The following SEC14L1 variants were observed in gnomAD, a reference collection of about 807,000 sequenced individuals.
The protein encoded by SEC14L1 is SEC14 like lipid binding 1.
Under a neutral mutation model 85.3 loss-of-function variants are expected in SEC14L1, and 48 were observed. The observed-to-expected ratio is 0.56, with a 90% confidence interval of 0.45 to 0.72. The LOEUF is 0.72. Ranked by LOEUF, SEC14L1 falls within the 30% of genes least tolerant of loss-of-function variation. The pLI is 0.00. For synonymous variants in SEC14L1, 391 were observed against 355.5 expected, an observed-to-expected ratio of 1.10 and a Z score of -1.12; for missense variants, 682 against 921.4, an observed-to-expected ratio of 0.74 and a Z score of 3.36.
At chr17:77,204,673 C>T (rs150811847) in intron 10 of SEC14L1, among the ~76,000 whole-genome samples, 31 of 152,164 alleles carry the variant, frequency 2.0e-4, no homozygotes, top group Non-Finnish European at 2.9e-5. Flanking sequence ...CCACCTCGGC[C>T]TCCTGAGTAG....
chr17:77,215,003 G>C lies in SEC14L1; in HGVS notation c.*980G>C. 1.0e-6 allele frequency: 1 copy of C among 985,514 alleles called. No homozygotes were observed. The highest frequency in any genetic ancestry group is 1.7e-5 in the African/African-American group (1 of 57,334). 61.0% of individuals were successfully genotyped at this position (985,514 alleles called of 1,614,324 possible). On this transcript the variant is annotated 3_prime_UTR_variant, in exon 17 of 17. Coordinates refer to ENST00000436233, the MANE Select transcript of SEC14L1 (RefSeq NM_001143998.2). ...AGCAGCAGCTCTCGCATCCACTTCA[G>C]GGTGGCGTGTGGCATGTAGGAGTCC... is the stretch of plus-strand genomic sequence containing the variant.
intron 3 of SEC14L1, among the ~76,000 whole-genome samples, chr17:77,178,825 G>A (rs551859741): frequency 3.9e-4 from 59 of 152,204 alleles, no homozygotes; most frequent in Non-Finnish European, 6.6e-4. Context: ...TCTCAGCAGC[G>A]CACGGACCGG....
At chr17:77,182,978 C>G (rs1170088201) in intron 3 of SEC14L1, among the ~76,000 whole-genome samples, 1 of 152,256 alleles carries the variant, frequency 6.6e-6, no homozygotes, top group Admixed American at 6.5e-5. Context: ...GGCCCCGTCC[C>G]GCTGTGCTGC....
upstream of SEC14L1, chr17:77,140,683 C>T (rs965851340): frequency 6.6e-6 from 1 of 152,156 alleles, no homozygotes; most frequent in African/African-American, 2.4e-5. Flanking sequence ...CCGCCCCCAA[C>T]AAGTGACGCA....
At chr17:77,121,735 G>C (rs1429638522) in intron 3 of SEC14L1, among the ~76,000 whole-genome samples, 4 of 152,212 alleles carry the variant, frequency 2.6e-5, no homozygotes, top group Admixed American at 2.6e-4. Flanking sequence ...GCTCAGAATG[G>C]TTAAGGAGCC....
chr17:77,135,727 A>G (rs903810392), intron 3 of SEC14L1, among the ~76,000 whole-genome samples: 2 of 151,808 alleles, frequency 1.3e-5, no homozygotes, highest in Admixed American at 6.6e-5. Context: ...GTTTGTAGAG[A>G]TAGGGGTCTT....
At chr17:77,185,901 A>G (rs1308031083) in intron 3 of SEC14L1, among the ~76,000 whole-genome samples, 4 of 152,236 alleles carry the variant, frequency 2.6e-5, no homozygotes, top group Admixed American at 2.0e-4. Context: ...CATAAAGTGT[A>G]TGAAGAGACA....
chr17:77,212,233 C>T (rs186897890), intron 15 of SEC14L1, 32 bp downstream of exon 15: 48 of 1,607,574 alleles, frequency 3.0e-5, no homozygotes, highest in East Asian at 6.7e-5. Flanking sequence ...ATCGCGCATC[C>T]GTGACTCCAC....
rs1973116233 is a variant in SEC14L1 at position 77,142,704 on chromosome 17, T to C, written c.-77T>C. The stretch of plus-strand genomic sequence containing the variant: ...TGTATGTTTGAATATCCTCTCACCA[T>C]GTTCAGCATAAAGTACCATTCTTAA... On this transcript the variant is annotated 5_prime_UTR_variant, in exon 2 of 17. The change abolishes an upstream ATG in the 5' untranslated region. Transcript: ENST00000436233. The C allele has an allele frequency of 6.6e-6, 1 of 152,150 alleles. No homozygotes were observed. Among genetic ancestry groups the C allele is most frequent in the Non-Finnish European group, 1.5e-5 (1 of 68,032 alleles). 9.4% of individuals were successfully genotyped at this position (152,150 alleles called of 1,614,324 possible). A position where few individuals can be genotyped will look rare whatever the true frequency, so the allele number is the denominator to read the frequency against.
chr17:77,117,863 C>G (rs994784461), intron 3 of SEC14L1, among the ~76,000 whole-genome samples: 7 of 152,208 alleles, frequency 4.6e-5, no homozygotes, highest in African/African-American at 1.4e-4. Context: ...AGTGGGCCTC[C>G]ATGGGACCCA....
chr17:77,100,589 A>G (rs1388503599), intron 3 of SEC14L1, among the ~76,000 whole-genome samples: 1 of 149,364 alleles, frequency 6.7e-6, no homozygotes, highest in East Asian at 2.0e-4. Context: ...GGCGCCCACC[A>G]CCACGCCCGG....
intron 14 of SEC14L1, 79 bp downstream of exon 14, chr17:77,209,555 C>T: frequency 6.7e-7 from 1 of 1,500,672 alleles, no homozygotes; most frequent in Non-Finnish European, 9.0e-7. Flanking sequence ...TCCTGGCAGC[C>T]TTTCATTCAG....
At chr17:77,131,128 C>T (rs1286520631) in intron 3 of SEC14L1, among the ~76,000 whole-genome samples, 1 of 152,128 alleles carries the variant, frequency 6.6e-6, no homozygotes, top group Non-Finnish European at 1.5e-5. Context: ...AGTGCATGGG[C>T]CAATGGAAAG....
At chr17:77,173,343 A>G (rs1412413502) in intron 3 of SEC14L1, among the ~76,000 whole-genome samples, 2 of 150,848 alleles carry the variant, frequency 1.3e-5, no homozygotes, top group Non-Finnish European at 3.0e-5. Flanking sequence ...AGTTAGGATT[A>G]TAAAGAGGGG....
In SEC14L1 at chr17:77,215,611, C is replaced by A; in HGVS notation, c.*1588C>A. ...TGGCTGCCTGCACACTGTAGACGTC[C>A]CAGGGCCTGTGCTGTGATCACCTGC... is the stretch of plus-strand genomic sequence containing the variant. On this transcript the variant is annotated 3_prime_UTR_variant, in exon 17 of 17. Coordinates refer to ENST00000436233, the MANE Select transcript of SEC14L1 (RefSeq NM_001143998.2). 1.0e-6 allele frequency: 1 copy of A among 989,118 alleles called. No individual in the cohort carries two copies. Among genetic ancestry groups the A allele is most frequent in the African/African-American group, 1.7e-5 (1 of 57,334 alleles). 61.3% of individuals were successfully genotyped at this position (989,118 alleles called of 1,614,324 possible).
At chr17:77,126,935 C>T (rs1972464900) in intron 3 of SEC14L1, among the ~76,000 whole-genome samples, 1 of 151,274 alleles carries the variant, frequency 6.6e-6, no homozygotes, top group Non-Finnish European at 1.5e-5. Context: ...GGGGCGCCTC[C>T]CTTCCCTCCA....
Position 77,214,411 on chromosome 17 carries a change from GC to G in SEC14L1, c.*392del. On this transcript the variant is annotated 3_prime_UTR_variant, in exon 17 of 17. Coordinates refer to ENST00000436233, the MANE Select transcript of SEC14L1 (RefSeq NM_001143998.2). The stretch of plus-strand genomic sequence containing the variant: ...ATTCCTGTGACATCCTCCAGAGATG[GC>G]CCCTCCTCACCTGGGACGGAAGCTG... 2.0e-6 allele frequency: 2 copies of G among 1,003,492 alleles called. No homozygotes were observed. The highest frequency in any genetic ancestry group is 2.4e-6 in the Non-Finnish European group (2 of 840,234). The allele number at this position is 1,003,492 out of a possible 1,614,324, so 62.2% of individuals were successfully genotyped here.
At chr17:77,108,575 A>G (rs1971972435) in intron 3 of SEC14L1, among the ~76,000 whole-genome samples, 2 of 151,946 alleles carry the variant, frequency 1.3e-5, no homozygotes, top group Admixed American at 1.3e-4. Context: ...TGTCTCTACT[A>G]AAAATACAAA....
chr17:77,115,207 G>T lies in SEC14L1; in HGVS notation c.-136+21860G>T, dbSNP rs376968492. Among the ~76,000 whole-genome samples, 24 of 152,010 alleles carry T rather than the reference G, an allele frequency of 1.6e-4. 1 individual carries two copies. The highest frequency in any genetic ancestry group is 5.8e-4 in the African/African-American group (24 of 41,454). On this transcript the variant is annotated intron_variant, in intron 3 of 19. Coordinates refer to the SEC14L1 transcript ENST00000392476. ...GCACTTTGGGAGGCCGAGGTGGGTGGATCATGAGGTCAGGAGTTCAAGACC... is the reference window on the plus strand; with the variant it reads ...GCACTTTGGGAGGCCGAGGTGGGTGTATCATGAGGTCAGGAGTTCAAGACC...
Sources: gnomAD v4.1 joint callset for allele counts (sites outside exome capture counted in the v4.1 genomes callset) on GRCh38, gnomAD v4.1.1 for gene constraint, MANE v1.5 for transcripts, NCBI Gene and HGNC (gene_info 2026-07-23, HGNC 2026-07-21) for gene names.